CCSER1: variants seen among roughly 807,000 people sequenced by gnomAD.
CCSER1 encodes the protein serine-rich coiled-coil domain-containing protein 1.
Under a neutral mutation model 82.0 loss-of-function variants are expected in CCSER1, and 41 were observed. That is an observed-to-expected ratio of 0.50 (90% CI 0.39 to 0.65). The LOEUF (loss-of-function observed/expected upper bound fraction) is 0.65. CCSER1 is among the 30% of genes least tolerant of loss of function. The probability of loss-of-function intolerance (pLI) is 0.00; values close to 1 mark genes in which losing one functional copy is unlikely to be tolerated. For synonymous variants in CCSER1, 414 were observed against 383.9 expected (o/e 1.08, Z -0.92); for missense variants, 1,119 against 1,064.2 (o/e 1.05, Z -0.72).
chr4:90,883,100 C>T (rs893478835), intron 8 of CCSER1, among the ~76,000 whole-genome samples: 6 of 151,938 alleles, frequency 3.9e-5, no homozygotes, highest in African/African-American at 1.4e-4. Context: ...GGTAAAGCTA[C>T]AATTTAAACC....
intron 5 of CCSER1, among the ~76,000 whole-genome samples, chr4:90,503,645 G>A (rs550789936): frequency 1.8e-4 from 28 of 152,000 alleles, no homozygotes; most frequent in Non-Finnish European, 3.4e-4. Context: ...TCCCACCTAT[G>A]AGTGAGAACA....
At chr4:91,472,189 G>A (rs1370433609) in intron 10 of CCSER1, among the ~76,000 whole-genome samples, 1 of 152,026 alleles carries the variant, frequency 6.6e-6, no homozygotes, top group Admixed American at 6.6e-5. Context: ...TTGCCAACTG[G>A]TGAGCTTTCA....
At chr4:90,451,472 C>A (rs1422813539) in intron 4 of CCSER1, among the ~76,000 whole-genome samples, 1 of 152,170 alleles carries the variant, frequency 6.6e-6, no homozygotes, top group African/African-American at 2.4e-5. Context: ...CCTGTTTGAC[C>A]ATTTTTAGCA....
chr4:90,396,758 A>T (rs889294805), intron 3 of CCSER1, among the ~76,000 whole-genome samples: 3 of 152,114 alleles, frequency 2.0e-5, no homozygotes, highest in African/African-American at 7.2e-5. Context: ...TTTTCTCGGC[A>T]ACAAAATGAT....
At chr4:90,674,314 T>C (rs958118409) in intron 6 of CCSER1, among the ~76,000 whole-genome samples, 2 of 151,958 alleles carry the variant, frequency 1.3e-5, no homozygotes, top group Non-Finnish European at 2.9e-5. Flanking sequence ...CCCAGTTATA[T>C]AGTTTGAAAT....
At chr4:91,122,945 T>A (rs1391902345) in intron 10 of CCSER1, among the ~76,000 whole-genome samples, 1 of 151,762 alleles carries the variant, frequency 6.6e-6, no homozygotes, top group East Asian at 1.9e-4. Flanking sequence ...TTACTTCAAA[T>A]GATTTTATTT....
chr4:91,338,658 GACA>G (rs1271103409), intron 10 of CCSER1, among the ~76,000 whole-genome samples: 3 of 152,062 alleles, frequency 2.0e-5, no homozygotes, highest in African/African-American at 7.2e-5. Context: ...ATTTCCAAGT[GACA>G]ACATTTTTCA....
rs1024552525 is a variant in CCSER1 at position 91,114,944 on chromosome 4, C to T, written c.2217+28950C>T. Among the ~76,000 whole-genome samples the T allele has an allele frequency of 3.9e-5, 6 of 152,164 alleles. No individual in the cohort carries two copies. The East Asian group carries it at 1.2e-3, about 29-fold the overall frequency. ...ATGTAGTCATGGAAACAGTTTATCT[C>T]CTTCTCTTAATATTTTATACATGCC... On this transcript the variant is annotated intron_variant, in intron 10 of 10. Coordinates refer to ENST00000509176, the MANE Select transcript of CCSER1 (RefSeq NM_001145065.2).
At chr4:90,905,341 A>T (rs1005961732) in intron 8 of CCSER1, among the ~76,000 whole-genome samples, 6 of 141,772 alleles carry the variant, frequency 4.2e-5, no homozygotes, top group African/African-American at 1.6e-4. Flanking sequence ...CTCCTTGCTC[A>T]CTACGTTCTA....
chr4:90,881,908 C>T (rs1721388415), intron 8 of CCSER1, among the ~76,000 whole-genome samples: 2 of 150,780 alleles, frequency 1.3e-5, no homozygotes, highest in Non-Finnish European at 3.0e-5. Context: ...GCAGGAGAAG[C>T]AGCAATGCGA....
At chr4:90,568,070 T>A (rs918909880) in intron 5 of CCSER1, among the ~76,000 whole-genome samples, 5 of 152,254 alleles carry the variant, frequency 3.3e-5, no homozygotes, top group Admixed American at 1.3e-4. Context: ...ACAATTTCAA[T>A]CTTATTAAAG....
At chr4:90,271,703 C>T (rs1414602849) in intron 1 of CCSER1, among the ~76,000 whole-genome samples, 1 of 151,008 alleles carries the variant, frequency 6.6e-6, no homozygotes, top group East Asian at 1.9e-4. Flanking sequence ...TGTAAAGAGA[C>T]AACCCACAGA....
intron 8 of CCSER1, among the ~76,000 whole-genome samples, chr4:90,862,046 G>GT (rs1157688190): frequency 5.3e-5 from 8 of 150,956 alleles, no homozygotes; most frequent in Non-Finnish European, 1.2e-4. Context: ...ATATATTAGA[G>GT]TCCATTTTTC....
intron 3 of CCSER1, among the ~76,000 whole-genome samples, chr4:90,380,132 G>A (rs746348056): frequency 6.6e-6 from 1 of 152,062 alleles, no homozygotes; most frequent in Non-Finnish European, 1.5e-5. Flanking sequence ...GATTTGAGCA[G>A]GGACACAGAT....
At chr4:90,743,451 G>A (rs972952410) in intron 7 of CCSER1, among the ~76,000 whole-genome samples, 8 of 152,118 alleles carry the variant, frequency 5.3e-5, no homozygotes, top group East Asian at 1.9e-4. Context: ...ACATGAACAC[G>A]TCTTCTTTTT....
At chr4:90,486,052 C>T (rs1766997920) in intron 5 of CCSER1, among the ~76,000 whole-genome samples, 1 of 152,150 alleles carries the variant, frequency 6.6e-6, no homozygotes, top group Non-Finnish European at 1.5e-5. Context: ...GGAACCTAAT[C>T]AACAATTGTA....
intron 10 of CCSER1, among the ~76,000 whole-genome samples, chr4:91,567,161 G>A (rs1187903135): frequency 6.6e-6 from 1 of 152,114 alleles, no homozygotes; most frequent in Non-Finnish European, 1.5e-5. Context: ...TCAGGAGCAT[G>A]TTGTTTAATT....
At chr4:91,072,920 G>A (rs544503072) in intron 9 of CCSER1, among the ~76,000 whole-genome samples, 1 of 152,190 alleles carries the variant, frequency 6.6e-6, no homozygotes, top group East Asian at 1.9e-4. Context: ...ACATACATAT[G>A]TGTATATTTA....
At chr4:91,402,006 A>T (rs555267119) in intron 10 of CCSER1, among the ~76,000 whole-genome samples, 9 of 152,342 alleles carry the variant, frequency 5.9e-5, no homozygotes, top group Non-Finnish European at 1.0e-4. Flanking sequence ...ACTAGTTTAC[A>T]GTCCCACCAA....
Sources: gnomAD v4.1 joint callset for allele counts (sites outside exome capture counted in the v4.1 genomes callset) on GRCh38, gnomAD v4.1.1 for gene constraint, MANE v1.5 for transcripts, NCBI Gene and HGNC (gene_info 2026-07-23, HGNC 2026-07-21) for gene names.